The following DPYSL3 variants were observed in gnomAD, a reference collection of about 807,000 sequenced individuals.
The protein encoded by DPYSL3 is dihydropyrimidinase-related protein 3.
A neutral mutation model predicts 66.1 loss-of-function variants in DPYSL3; 16 were observed. That is an observed-to-expected ratio of 0.24 (90% CI 0.16 to 0.37). The LOEUF is 0.37. DPYSL3 is among the 10% of genes least tolerant of loss of function. DPYSL3 has a pLI of 1.00. For missense variants in DPYSL3, 738 were observed against 916.2 expected (o/e 0.81, Z 2.51); for synonymous variants, 338 against 345.1 (o/e 0.98, Z 0.23).
chr5:147,509,745 G>A lies in DPYSL3; in HGVS notation c.114C>T (p.Phe38=), dbSNP rs2126468776. The A allele has an allele frequency of 6.5e-7, 1 of 1,535,998 alleles. No individual in the cohort carries two copies. Among genetic ancestry groups the A allele is most frequent in the Non-Finnish European group, 8.7e-7 (1 of 1,146,812 alleles). ...QVPRQKYGGM[F]CNVEGAFESK... is the part of the protein sequence containing the mutation. Reference sequence around the variant, plus strand: ...TCTCGAAGGCGCCCTCCACGTTGCAGAACATGCCGCCGTATTTCTGCCGCG... The same window carrying A: ...TCTCGAAGGCGCCCTCCACGTTGCAAAACATGCCGCCGTATTTCTGCCGCG... The change falls in exon 1 of 14, where the codon TTC becomes TTT. Residue 38 remains phenylalanine (F), a synonymous_variant. Transcript: ENST00000343218. This position sits in a 1 kb window ranked among gnomAD's most constrained non-coding sequence, Gnocchi z 5.3.
chr5:147,482,666 A>C (rs958677), intron 1 of DPYSL3, among the ~76,000 whole-genome samples: 86,699 of 152,068 alleles, frequency 0.57, 26,149 homozygotes, highest in African/African-American at 0.77. Flanking sequence ...AGTCTCTATC[A>C]AAGCAGTTTC....
chr5:147,404,080 C>G (rs1758271030), intron 8 of DPYSL3, among the ~76,000 whole-genome samples: 1 of 152,136 alleles, frequency 6.6e-6, no homozygotes, highest in South Asian at 2.1e-4. Flanking sequence ...GTGTGCGGCA[C>G]TGGGTGAGGG....
At chr5:147,483,079 G>A (rs546013104) in intron 1 of DPYSL3, among the ~76,000 whole-genome samples, 17 of 152,116 alleles carry the variant, frequency 1.1e-4, no homozygotes, top group Non-Finnish European at 2.2e-4. Flanking sequence ...AGATCTGGGT[G>A]GGGACACAAA....
chr5:147,436,897 A>T (rs1752422820), intron 1 of DPYSL3, among the ~76,000 whole-genome samples: 1 of 152,224 alleles, frequency 6.6e-6, no homozygotes, highest in Non-Finnish European at 1.5e-5. Context: ...GAAGTGTAAG[A>T]CTAAGAATAA....
rs906026210 is a variant in DPYSL3 at position 147,393,242 on chromosome 5, G to A, written c.*793C>T. On this transcript the variant is annotated 3_prime_UTR_variant, in exon 14 of 14. Transcript: ENST00000343218. The stretch of plus-strand genomic sequence containing the variant: ...AGCACCAAAGAGGCAGGGAGGGCAA[G>A]AGGAAGAGAAGTGTCATTTGCTCTG... 6.6e-6 allele frequency: 1 copy of A among 152,314 alleles called. No homozygotes were observed. Among genetic ancestry groups the A allele is most frequent in the African/African-American group, 2.4e-5 (1 of 41,460 alleles). 9.4% of individuals were successfully genotyped at this position (152,314 alleles called of 1,614,324 possible). A position where few individuals can be genotyped will look rare whatever the true frequency, so the allele number is the denominator to read the frequency against.
chr5:147,401,391 G>A (rs939787372), intron 9 of DPYSL3, 149 bp downstream of exon 9: 23 of 885,298 alleles, frequency 2.6e-5, no homozygotes, highest in South Asian at 1.5e-4. Flanking sequence ...TGCTTTCTAC[G>A]CTCAAGACTG....
At chr5:147,447,281 G>T (rs1174837579) in intron 1 of DPYSL3, among the ~76,000 whole-genome samples, 3 of 152,166 alleles carry the variant, frequency 2.0e-5, no homozygotes, top group Non-Finnish European at 4.4e-5. Context: ...TTCATGTAGG[G>T]ACTGGAACCA....
chr5:147,395,483 G>A (rs1757940097), intron 13 of DPYSL3, 76 bp downstream of exon 13: 1 of 1,527,246 alleles, frequency 6.5e-7, no homozygotes, highest in Non-Finnish European at 8.8e-7. Context: ...GAGTTCTGAG[G>A]AACACCCTGT....
At chr5:147,455,063 G>A (rs1432296032) in intron 1 of DPYSL3, among the ~76,000 whole-genome samples, 1 of 152,182 alleles carries the variant, frequency 6.6e-6, no homozygotes, top group Non-Finnish European at 1.5e-5. Context: ...CACTAAGCAT[G>A]ACTAAAGCTG....
At chr5:147,410,011 A>G (rs1751813869) in intron 6 of DPYSL3, among the ~76,000 whole-genome samples, 1 of 152,226 alleles carries the variant, frequency 6.6e-6, no homozygotes, top group African/African-American at 2.4e-5. Context: ...CAGAAAACAA[A>G]GAAAGGTTAC....
intron 1 of DPYSL3, among the ~76,000 whole-genome samples, chr5:147,461,397 C>T (rs935009315): frequency 6.6e-6 from 1 of 152,166 alleles, no homozygotes; most frequent in Non-Finnish European, 1.5e-5. Context: ...CTCAGGCTCA[C>T]TGTAAAACCC....
chr5:147,483,720 G>A (rs1753286432), intron 1 of DPYSL3, among the ~76,000 whole-genome samples: 1 of 152,306 alleles, frequency 6.6e-6, no homozygotes, highest in East Asian at 1.9e-4. Context: ...AAATAGAGGT[G>A]CATTCTGAAG....
At chr5:147,449,125 G>A (rs1267217715) in intron 1 of DPYSL3, among the ~76,000 whole-genome samples, 1 of 152,082 alleles carries the variant, frequency 6.6e-6, no homozygotes, top group Non-Finnish European at 1.5e-5. Context: ...AGAGGAATGT[G>A]TAGATCCAAA....
At chr5:147,453,776 C>A in intron 1 of DPYSL3, 1 of 1,284,404 alleles carries the variant, frequency 7.8e-7, no homozygotes, top group Non-Finnish European at 9.8e-7. Context: ...AATAGTAAAT[C>A]TCCCCGGTCC....
At chr5:147,406,964 G>A (rs1189419649) in intron 7 of DPYSL3, among the ~76,000 whole-genome samples, 1 of 152,152 alleles carries the variant, frequency 6.6e-6, no homozygotes, top group Non-Finnish European at 1.5e-5. Flanking sequence ...ATGGGACCTT[G>A]GAGGCCCCTG....
chr5:147,442,650 A>G (rs1752555255), intron 1 of DPYSL3, among the ~76,000 whole-genome samples: 1 of 152,212 alleles, frequency 6.6e-6, no homozygotes, highest in African/African-American at 2.4e-5. Context: ...GAAAAAATCA[A>G]AACAATGCAA....
chr5:147,491,979 A>C (rs555775546), intron 1 of DPYSL3, among the ~76,000 whole-genome samples: 18 of 152,266 alleles, frequency 1.2e-4, no homozygotes, highest in Non-Finnish European at 2.2e-4. Flanking sequence ...CATCAAAAAA[A>C]ACCCTTACAC....
intron 1 of DPYSL3, among the ~76,000 whole-genome samples, chr5:147,459,065 T>C (rs1449444409): frequency 6.6e-6 from 1 of 151,708 alleles, no homozygotes; most frequent in Admixed American, 6.6e-5. Flanking sequence ...TCTTTTACAG[T>C]GCTTGGAGTG....
intron 1 of DPYSL3, among the ~76,000 whole-genome samples, chr5:147,439,374 G>A (rs1430245462): frequency 9.3e-6 from 1 of 107,880 alleles, no homozygotes; most frequent in Non-Finnish European, 2.1e-5. Context: ...CTGAGTCCTA[G>A]GGAGAAAAAA....
Sources: gnomAD v4.1 joint callset for allele counts (sites outside exome capture counted in the v4.1 genomes callset) on GRCh38, gnomAD v4.1.1 for gene constraint, Gnocchi (gnomAD v3.1) non-coding constraint, MANE v1.5 for transcripts, NCBI Gene and HGNC (gene_info 2026-07-23, HGNC 2026-07-21) for gene names.